The following MAP4K3 variants were observed in gnomAD, a reference collection of about 807,000 sequenced individuals.
MAP4K3 encodes MAPK/ERK kinase kinase kinase 3.
A neutral mutation model predicts 143.5 loss-of-function variants in MAP4K3; 94 were observed. The ratio of observed to expected loss-of-function variants is 0.65; its 90% CI spans 0.55 to 0.78. The LOEUF (loss-of-function observed/expected upper bound fraction) is 0.78, where lower values mean the gene tolerates loss of function less well. MAP4K3 is among the 30% of genes least tolerant of loss of function. The pLI is 0.00. For missense variants in MAP4K3, 1,077 were observed against 1,068.1 expected, an observed-to-expected ratio of 1.01 and a Z score of -0.12; for synonymous variants, 416 against 347.2, an observed-to-expected ratio of 1.20 and a Z score of -2.20.
At chr2:39,291,451 C>T (rs1682043299) in intron 18 of MAP4K3, among the ~76,000 whole-genome samples, 1 of 152,116 alleles carries the variant, frequency 6.6e-6, no homozygotes, top group South Asian at 2.1e-4. Context: ...TAAAATATAT[C>T]ACATTGTAAA....
rs1259315528 is a variant in MAP4K3 at position 39,299,744 on chromosome 2, T to C, written c.1177A>G (p.Lys393Glu). 9.0e-6 allele frequency: 14 copies of C among 1,555,546 alleles called. No homozygotes were observed. Among genetic ancestry groups the C allele is most frequent in the Non-Finnish European group, 1.2e-5 (14 of 1,147,972 alleles). Residue 393 changes from lysine to glutamate, a missense_variant and splice_region_variant, in exon 16 of 34, where the codon AAG (lysine) becomes GAG (glutamate). By Grantham distance (56) the Lys-to-Glu change is moderately conservative. This residue lies in a region of MAP4K3 where 864 missense variants were observed against 801.2 expected (regional missense o/e 1.08). Coordinates refer to ENST00000263881, the MANE Select transcript of MAP4K3 (RefSeq NM_003618.4). ...HQGGYFLGANKSLLKSVEEEL... is the reference protein window; with the variant it reads ...HQGGYFLGANESLLKSVEEEL... The stretch of plus-strand genomic sequence containing the variant: ...AAGTTTTAAAAGAACTTTACTTACT[T>C]GTTTGCACCTAAAAAGTAACCACCT...
At chr2:39,313,479 C>T (rs1410728913) in intron 13 of MAP4K3, among the ~76,000 whole-genome samples, 4 of 151,072 alleles carry the variant, frequency 2.6e-5, no homozygotes, top group Non-Finnish European at 5.9e-5. Flanking sequence ...TCCTTCCTTT[C>T]TTTTTCTTTT....
chr2:39,254,937 A>G (rs957520680), intron 31 of MAP4K3, among the ~76,000 whole-genome samples: 2 of 152,152 alleles, frequency 1.3e-5, no homozygotes, highest in Non-Finnish European at 2.9e-5. Flanking sequence ...GCACAAAAAT[A>G]TACGTGTATC....
rs973184577 is a variant in MAP4K3 at position 39,305,006 on chromosome 2, G to T, written c.1119+2937C>A. Among the ~76,000 whole-genome samples, 8 of 152,300 alleles carry T rather than the reference G, an allele frequency of 5.3e-5. No individual in the cohort carries two copies. The East Asian group carries it at 1.5e-3, about 29-fold the overall frequency. ...CCATTTATACAAGATAACTAGAGAA[G>T]TCAAATTCATAGTCAGAAAACAGAG... On this transcript the variant is annotated intron_variant, in intron 15 of 33. Coordinates refer to ENST00000263881, the MANE Select transcript of MAP4K3 (RefSeq NM_003618.4).
chr2:39,294,734 A>T (rs1263285647), intron 16 of MAP4K3, among the ~76,000 whole-genome samples: 1 of 152,242 alleles, frequency 6.6e-6, no homozygotes, highest in African/African-American at 2.4e-5. Flanking sequence ...CAGAAGGGTA[A>T]TTTAGGACAG....
chr2:39,278,407 C>G lies in MAP4K3; in HGVS notation c.1794G>C (p.Gln598His). Residue 598 changes from glutamine (Q) to histidine (H), a missense_variant and splice_region_variant, in exon 24 of 34, where the codon CAG becomes CAC. Gln to His is a conservative substitution (Grantham distance 24, BLOSUM62 0). Coordinates refer to ENST00000263881, the MANE Select transcript of MAP4K3 (RefSeq NM_003618.4). Reference protein sequence around the residue: ...LNELHETSMEQLFPRRCTWLY... With the variant: ...LNELHETSMEHLFPRRCTWLY... ...AAAAAGAATATACAAAATAACATAC[C>G]TGTTCCATTGATGTTTCATGAAGTT... is the stretch of plus-strand genomic sequence containing the variant. 1 of 1,553,858 alleles carries G rather than the reference C, an allele frequency of 6.4e-7. No homozygotes were observed.
intron 2 of MAP4K3, among the ~76,000 whole-genome samples, chr2:39,364,965 A>G (rs1305555999): frequency 1.3e-5 from 2 of 152,058 alleles, no homozygotes; most frequent in African/African-American, 4.8e-5. Context: ...TGTCAGACCT[A>G]TGAAGTGCCA....
chr2:39,425,859 T>C (rs1281104858), intron 1 of MAP4K3, among the ~76,000 whole-genome samples: 1 of 152,204 alleles, frequency 6.6e-6, no homozygotes, highest in Non-Finnish European at 1.5e-5. Context: ...CACAGTAGAA[T>C]GTCAACCAAT....
intron 3 of MAP4K3, among the ~76,000 whole-genome samples, chr2:39,355,123 G>C (rs1490050304): frequency 6.6e-6 from 1 of 152,118 alleles, no homozygotes; most frequent in African/African-American, 2.4e-5. Context: ...CCGGCACTAT[G>C]GGAGGCTGAG....
chr2:39,266,493 T>A (rs757098662), intron 27 of MAP4K3, among the ~76,000 whole-genome samples: 10 of 152,220 alleles, frequency 6.6e-5, no homozygotes, highest in Non-Finnish European at 1.2e-4. Context: ...GTAACCTTTA[T>A]GATTTTTTTT....
At chr2:39,373,284 C>A (rs1573212521) in intron 2 of MAP4K3, among the ~76,000 whole-genome samples, 1 of 152,022 alleles carries the variant, frequency 6.6e-6, no homozygotes, top group Admixed American at 6.6e-5. Flanking sequence ...AAAAGATAGG[C>A]AATAAATGCT....
intron 1 of MAP4K3, among the ~76,000 whole-genome samples, chr2:39,385,309 G>T (rs553844171): frequency 1.2e-3 from 176 of 152,098 alleles, no homozygotes; most frequent in Non-Finnish European, 2.1e-3. Flanking sequence ...AGCAACGCAT[G>T]GTGGGGTTCC....
At position 39,292,839 on chromosome 2, in the gene MAP4K3, G is replaced by C. The variant is rs1558627337; in HGVS notation, c.1218-13C>G. On this transcript the variant is annotated splice_polypyrimidine_tract_variant and intron_variant, in intron 17 of 33. Transcript: ENST00000263881. The stretch of plus-strand genomic sequence containing the variant: ...TGCGACGTGTCCTCTAAATAAAAAG[G>C]ATAATGTCATTGTTATTAAATGGAT... The C allele has an allele frequency of 1.2e-6, 2 of 1,605,936 alleles. No homozygotes were observed. Among genetic ancestry groups the C allele is most frequent in the Non-Finnish European group, 8.5e-7 (1 of 1,173,220 alleles).
At chr2:39,404,251 T>C (rs755709477) in intron 1 of MAP4K3, among the ~76,000 whole-genome samples, 1 of 152,056 alleles carries the variant, frequency 6.6e-6, no homozygotes, top group Non-Finnish European at 1.5e-5. Flanking sequence ...TCAGCCACAG[T>C]GGGGTAGAGC....
chr2:39,343,219 G>C (rs1052224024), intron 4 of MAP4K3, among the ~76,000 whole-genome samples, 169 bp downstream of exon 4: 1 of 152,112 alleles, frequency 6.6e-6, no homozygotes, highest in Admixed American at 6.5e-5. Flanking sequence ...AAAAAGCAAA[G>C]ACTCCTCCTT....
Position 39,345,523 on chromosome 2 carries a change from G to A in MAP4K3, c.246-2071C>T, listed in dbSNP as rs150141866. Among the ~76,000 whole-genome samples, 393 of 152,212 alleles carry A rather than the reference G, an allele frequency of 2.6e-3. 3 individuals are homozygous for A. The highest frequency in any genetic ancestry group is 9.0e-3 in the African/African-American group (375 of 41,526). On this transcript the variant is annotated intron_variant, in intron 3 of 33. Transcript: ENST00000263881. ...AGAGGTGAGCTGACTTGACCGTAGT[G>A]GACAAGGTAGCATACAAAAAGAAAG...
At chr2:39,353,781 C>T (rs1375316705) in intron 3 of MAP4K3, among the ~76,000 whole-genome samples, 1 of 152,160 alleles carries the variant, frequency 6.6e-6, no homozygotes, top group East Asian at 1.9e-4. Context: ...GTAGTAGTAG[C>T]AGCGGCAAAT....
intron 32 of MAP4K3, 58 bp downstream of exon 32, chr2:39,254,392 T>C (rs2148431564): frequency 2.3e-6 from 3 of 1,327,356 alleles, no homozygotes; most frequent in East Asian, 4.6e-5. Flanking sequence ...GGAATCGAAC[T>C]GTTTGAAGTG....
At chr2:39,430,766 G>T (rs1157279521) in intron 1 of MAP4K3, among the ~76,000 whole-genome samples, 2 of 152,136 alleles carry the variant, frequency 1.3e-5, no homozygotes, top group Non-Finnish European at 2.9e-5. Context: ...ATATGCCAAA[G>T]ATACATTAAC....
Sources: allele counts gnomAD v4.1 joint callset (sites outside exome capture counted in the v4.1 genomes callset), GRCh38; gene constraint gnomAD v4.1.1; regional missense constraint gnomAD v4.1.1; transcripts MANE v1.5; gene names NCBI Gene and HGNC (gene_info 2026-07-23, HGNC 2026-07-21).